The following PACSIN2 variants were observed in gnomAD, a reference collection of about 807,000 sequenced individuals.
PACSIN2 encodes protein kinase C and casein kinase substrate in neurons protein 2.
PACSIN2 carries 25 observed loss-of-function variants against 63.8 expected under a neutral mutation model. The observed-to-expected ratio is 0.39, with a 90% CI of 0.29 to 0.55. The LOEUF (loss-of-function observed/expected upper bound fraction) is 0.55. PACSIN2 is among the 20% of genes least tolerant of loss of function. PACSIN2 has a pLI of 0.62. For synonymous variants in PACSIN2, 255 were observed against 256.2 expected, an observed-to-expected ratio of 1.00 and a Z score of 0.05; for missense variants, 518 against 646.9, an observed-to-expected ratio of 0.80 and a Z score of 2.16.
chr22:43,004,795 G>A (rs765323269), intron 1 of PACSIN2, among the ~76,000 whole-genome samples: 23 of 152,352 alleles, frequency 1.5e-4, no homozygotes, highest in Admixed American at 3.9e-4. Context: ...CAGAGGCCCC[G>A]TCACAGGCCT....
In PACSIN2 at chr22:42,993,298, G is replaced by A. The variant is rs148304769; in HGVS notation, c.-78+21723C>T. On this transcript the variant is annotated intron_variant, in intron 1 of 10. Coordinates refer to ENST00000263246, the MANE Select transcript of PACSIN2 (RefSeq NM_001184970.3). Reference sequence around the variant, plus strand: ...GTAGAGCAGTGGTGGCCTGGAAGAAGTGGGGGCAGAGGGACCCCAAGTGGC... The same window carrying A: ...GTAGAGCAGTGGTGGCCTGGAAGAAATGGGGGCAGAGGGACCCCAAGTGGC... Among the ~76,000 whole-genome samples the A allele has an allele frequency of 6.6e-5, 10 of 152,328 alleles. No individual in the cohort carries two copies. The East Asian group carries it at 1.9e-3, about 29-fold the overall frequency.
intron 1 of PACSIN2, among the ~76,000 whole-genome samples, chr22:42,914,096 GGA>G (rs1931651241): frequency 6.6e-6 from 1 of 152,248 alleles, no homozygotes; most frequent in African/African-American, 2.4e-5. Context: ...AGGCTCTCAT[GGA>G]GAGAACTCCA....
chr22:42,888,192 C>T (rs1929632062), intron 5 of PACSIN2, among the ~76,000 whole-genome samples: 1 of 152,222 alleles, frequency 6.6e-6, no homozygotes, highest in Admixed American at 6.5e-5. Context: ...CCTTACTCAG[C>T]CTGGCTGTCC....
intron 7 of PACSIN2, 42 bp downstream of exon 7, chr22:42,882,142 C>T (rs5759010): frequency 0.11 from 174,159 of 1,609,784 alleles, 20,959 homozygotes; most frequent in East Asian, 0.61. Context: ...GGCCCAGGTC[C>T]TCTTCCAGGC....
intron 1 of PACSIN2, among the ~76,000 whole-genome samples, chr22:42,951,681 C>T (rs1008320967): frequency 3.3e-5 from 5 of 152,196 alleles, no homozygotes; most frequent in Admixed American, 6.5e-5. Context: ...AAAACAGAGC[C>T]AGAATGTGGC....
At chr22:43,008,206 C>A (rs1444053956) in intron 1 of PACSIN2, among the ~76,000 whole-genome samples, 3 of 152,058 alleles carry the variant, frequency 2.0e-5, no homozygotes, top group Non-Finnish European at 2.9e-5. Flanking sequence ...TGATTATTTT[C>A]ATCAGAAATA....
At chr22:42,957,168 C>T (rs964317501) in intron 1 of PACSIN2, among the ~76,000 whole-genome samples, 8 of 152,076 alleles carry the variant, frequency 5.3e-5, no homozygotes, top group Non-Finnish European at 5.9e-5. Context: ...ACAGAAAGTG[C>T]CCACTAGAAC....
At chr22:43,011,750 G>A (rs1156242190) in intron 1 of PACSIN2, among the ~76,000 whole-genome samples, 1 of 151,970 alleles carries the variant, frequency 6.6e-6, no homozygotes, top group Non-Finnish European at 1.5e-5. Flanking sequence ...GGTGGCAGGC[G>A]CCTGTAATCC....
chr22:42,897,866 A>G (rs1273005580), intron 2 of PACSIN2, among the ~76,000 whole-genome samples: 1 of 152,238 alleles, frequency 6.6e-6, no homozygotes, highest in Non-Finnish European at 1.5e-5. Context: ...CAGCACTGGC[A>G]AAAGGAAGGT....
chr22:42,906,236 G>C (rs1341364033), intron 2 of PACSIN2, among the ~76,000 whole-genome samples: 1 of 152,246 alleles, frequency 6.6e-6, no homozygotes, highest in Non-Finnish European at 1.5e-5. Context: ...CTGACCAAGG[G>C]GGACAAAGGA....
intron 1 of PACSIN2, among the ~76,000 whole-genome samples, chr22:43,010,399 T>TA (rs1388431678): frequency 3.0e-3 from 99 of 32,506 alleles, no homozygotes; most frequent in African/African-American, 6.5e-3. Flanking sequence ...TATATATATA[T>TA]TTTTTTTTAA....
chr22:42,888,045 C>T (rs1253293604), intron 5 of PACSIN2, among the ~76,000 whole-genome samples: 2 of 151,544 alleles, frequency 1.3e-5, no homozygotes, highest in African/African-American at 4.9e-5. Context: ...GTCCCTCCCC[C>T]AGGTCTCTGC....
At chr22:43,004,795 G>T (rs765323269) in intron 1 of PACSIN2, among the ~76,000 whole-genome samples, 9 of 152,234 alleles carry the variant, frequency 5.9e-5, no homozygotes, top group African/African-American at 9.6e-5. Flanking sequence ...CAGAGGCCCC[G>T]TCACAGGCCT....
chr22:42,982,641 A>C (rs1226427541), intron 1 of PACSIN2, among the ~76,000 whole-genome samples: 1 of 128,742 alleles, frequency 7.8e-6, no homozygotes, highest in African/African-American at 3.1e-5. Flanking sequence ...GGGCGGTGCA[A>C]GATGTGCTTT....
chr22:42,918,790 C>T (rs1032610560), intron 1 of PACSIN2, among the ~76,000 whole-genome samples: 3 of 152,214 alleles, frequency 2.0e-5, no homozygotes, highest in Admixed American at 6.5e-5. Flanking sequence ...TGATCTCTAC[C>T]ACATCCCCAA....
intron 5 of PACSIN2, 104 bp from the exon 6 acceptor site, chr22:42,884,665 A>G (rs76701650): frequency 1.2e-6 from 1 of 801,418 alleles, no homozygotes; most frequent in Non-Finnish European, 2.0e-6. Context: ...AAATGCAAAG[A>G]AAAAACAGGA....
intron 2 of PACSIN2, chr22:42,909,646 T>A (rs1931319142): frequency 2.1e-6 from 1 of 467,408 alleles, no homozygotes; most frequent in Admixed American, 2.4e-5. Context: ...GATGTTCTTG[T>A]CTACTGACAT....
intron 1 of PACSIN2, among the ~76,000 whole-genome samples, chr22:42,917,573 C>T (rs1280168213): frequency 1.3e-5 from 2 of 152,072 alleles, no homozygotes; most frequent in Non-Finnish European, 2.9e-5. Context: ...TATTATTGTG[C>T]CACTGCACTC....
chr22:42,924,138 G>A (rs937118810), intron 1 of PACSIN2, among the ~76,000 whole-genome samples: 4 of 151,794 alleles, frequency 2.6e-5, no homozygotes, highest in Non-Finnish European at 4.4e-5. Context: ...AGACCCCCAG[G>A]CCCCAGCTTT....
Sources: allele counts gnomAD v4.1 joint callset (sites outside exome capture counted in the v4.1 genomes callset), GRCh38; gene constraint gnomAD v4.1.1; transcripts MANE v1.5; gene names NCBI Gene and HGNC (gene_info 2026-07-23, HGNC 2026-07-21).